EYS: variants seen among roughly 807,000 people sequenced by gnomAD.
EYS encodes EGF-like photoreceptor maintenance factor.
Under a neutral mutation model 282.1 loss-of-function variants are expected in EYS, and 250 were observed. The observed-to-expected ratio is 0.89, with a 90% CI of 0.80 to 0.98. The LOEUF (loss-of-function observed/expected upper bound fraction) is 0.98. EYS is among the 50% of genes least tolerant of loss of function. The pLI, the probability that EYS is intolerant of heterozygous loss-of-function variation, is 0.00. For synonymous variants in EYS, 1,355 were observed against 1,282.9 expected, an observed-to-expected ratio of 1.06 and a Z score of -1.20; for missense variants, 4,016 against 3,709.0, an observed-to-expected ratio of 1.08 and a Z score of -2.15.
At chr6:64,605,796 G>A (rs981877594) in intron 24 of EYS, among the ~76,000 whole-genome samples, 2 of 151,830 alleles carry the variant, frequency 1.3e-5, no homozygotes, top group Admixed American at 6.6e-5. Context: ...AGGTAAATTC[G>A]TGGGTCATCG....
intron 12 of EYS, among the ~76,000 whole-genome samples, chr6:65,248,936 A>G (rs868759356): frequency 2.6e-5 from 4 of 152,016 alleles, no homozygotes; most frequent in Non-Finnish European, 2.9e-5. Context: ...AAGTTTGCCA[A>G]TGGCTGCCAG....
At chr6:63,754,982 T>C (rs1769439980) in intron 41 of EYS, among the ~76,000 whole-genome samples, 1 of 152,244 alleles carries the variant, frequency 6.6e-6, no homozygotes, top group African/African-American at 2.4e-5. Context: ...GCTGCATAAA[T>C]GTCTTCTTTT....
intron 8 of EYS, among the ~76,000 whole-genome samples, chr6:65,353,869 C>A (rs971743517): frequency 6.6e-5 from 10 of 151,770 alleles, no homozygotes; most frequent in African/African-American, 2.4e-4. Context: ...TACAACAGTC[C>A]CTAATCTTCT....
At chr6:64,871,051 T>C (rs977650675) in intron 19 of EYS, among the ~76,000 whole-genome samples, 2 of 151,900 alleles carry the variant, frequency 1.3e-5, no homozygotes, top group Admixed American at 6.6e-5. Context: ...TTATCTTACA[T>C]TCAACTGAGT....
chr6:65,007,208 T>C (rs765532457), intron 13 of EYS, among the ~76,000 whole-genome samples: 12 of 152,108 alleles, frequency 7.9e-5, no homozygotes, highest in African/African-American at 2.4e-4. Flanking sequence ...GAATAAGCAT[T>C]AGGACCATAG....
At chr6:65,440,565 C>G (rs1310693185) in intron 5 of EYS, among the ~76,000 whole-genome samples, 1 of 151,430 alleles carries the variant, frequency 6.6e-6, no homozygotes, top group Admixed American at 6.6e-5. Context: ...CTGGTGATAT[C>G]TTTTACTTTA....
At chr6:65,101,445 C>G (rs142656474) in intron 12 of EYS, among the ~76,000 whole-genome samples, 1 of 151,296 alleles carries the variant, frequency 6.6e-6, no homozygotes, top group East Asian at 1.9e-4. Flanking sequence ...AATTTATCAA[C>G]AGGCCATATG....
chr6:64,120,353 C>T (rs1582297632), intron 31 of EYS, among the ~76,000 whole-genome samples: 1 of 89,262 alleles, frequency 1.1e-5, no homozygotes, highest in Non-Finnish European at 1.9e-5. Flanking sequence ...GAGACTCCAT[C>T]TCTTAAAAAA....
chr6:64,591,710 T>C lies in EYS; in HGVS notation c.4157A>G (p.Asp1386Gly). The C allele has an allele frequency of 6.4e-7, 1 of 1,551,286 alleles. No individual in the cohort carries two copies. Among genetic ancestry groups the C allele is most frequent in the East Asian group, 2.4e-5 (1 of 40,900 alleles). Reference sequence around the variant, plus strand: ...GATAAATGGGGTCCTTGCTCTCCTATCAGGAAAAAAGAAACCTAGTGTGGC... The same window carrying C: ...GATAAATGGGGTCCTTGCTCTCCTACCAGGAAAAAAGAAACCTAGTGTGGC... ...SAATLGFFFP[D>G]RRARTPFIMS... is the part of the protein sequence containing the mutation. Residue 1386 changes from aspartate (D) to glycine (G), a missense_variant, in exon 26 of 43, where the codon GAT becomes GGT. Transcript: ENST00000503581.
chr6:63,749,129 A>G (rs930735415), intron 41 of EYS, among the ~76,000 whole-genome samples: 2 of 152,170 alleles, frequency 1.3e-5, no homozygotes, highest in South Asian at 2.1e-4. Flanking sequence ...CAGTGCTGTA[A>G]ATTATCCTCT....
At chr6:64,529,497 G>T (rs149661778) in intron 26 of EYS, among the ~76,000 whole-genome samples, 161 of 152,112 alleles carry the variant, frequency 1.1e-3, no homozygotes, top group African/African-American at 3.6e-3. Flanking sequence ...GGAGTCCCAA[G>T]AACATTGACA....
At chr6:64,952,496 C>T (rs961492660) in intron 14 of EYS, among the ~76,000 whole-genome samples, 1 of 152,002 alleles carries the variant, frequency 6.6e-6, no homozygotes, top group African/African-American at 2.4e-5. Context: ...AAAATGTTCT[C>T]ATATACTGTG....
intron 36 of EYS, among the ~76,000 whole-genome samples, chr6:63,838,300 A>G (rs1204092141): frequency 1.3e-5 from 2 of 152,040 alleles, no homozygotes; most frequent in East Asian, 1.9e-4. Context: ...TGTAATAGGA[A>G]CTAACATAAA....
At chr6:64,302,524 G>A (rs1034185014) in intron 30 of EYS, among the ~76,000 whole-genome samples, 56 of 152,026 alleles carry the variant, frequency 3.7e-4, no homozygotes, top group African/African-American at 1.3e-3. Context: ...CATTTATGGG[G>A]CAGCCCACAA....
At chr6:64,710,469 A>G (rs1341664370) in intron 22 of EYS, among the ~76,000 whole-genome samples, 1 of 152,206 alleles carries the variant, frequency 6.6e-6, no homozygotes. Context: ...AGGGTAGCCA[A>G]TAGGGACCTC....
At chr6:65,443,377 TATAGACATATATGCATACATGTATGTAC>T (rs1768490018) in intron 5 of EYS, among the ~76,000 whole-genome samples, 1 of 140,282 alleles carries the variant, frequency 7.1e-6, no homozygotes, top group African/African-American at 2.4e-5. Flanking sequence ...TATGTACACA[TATAGACATATATGCATACATGTATGTAC>T]ACATATAGCC....
intron 14 of EYS, among the ~76,000 whole-genome samples, chr6:64,948,573 T>C (rs1343216060): frequency 1.4e-5 from 2 of 145,284 alleles, no homozygotes; most frequent in African/African-American, 5.0e-5. Context: ...AATATTTTAA[T>C]ATTAAATATT....
intron 28 of EYS, among the ~76,000 whole-genome samples, chr6:64,424,761 C>T (rs1322493061): frequency 2.6e-5 from 4 of 152,048 alleles, no homozygotes; most frequent in African/African-American, 9.7e-5. Context: ...TGTATTCAAC[C>T]GGGAAGAAGA....
Position 63,765,004 on chromosome 6 carries a change from C to A in EYS, c.7899-2371G>T, listed in dbSNP as rs549702277. ...ATTTTTCTAACCCTTGATGTTAATT[C>A]ATTAATATTTCTTCCCTTAACCACA... On this transcript the variant is annotated intron_variant, in intron 40 of 42. Coordinates refer to ENST00000503581, the MANE Select transcript of EYS (RefSeq NM_001142800.2). 5.3e-5 allele frequency among the ~76,000 whole-genome samples: 8 copies of A among 151,974 alleles called. No individual in the cohort carries two copies. The South Asian group carries it at 1.7e-3, about 32-fold the overall frequency.
Sources: gnomAD v4.1 joint callset for allele counts (sites outside exome capture counted in the v4.1 genomes callset) on GRCh38, gnomAD v4.1.1 for gene constraint, MANE v1.5 for transcripts, NCBI Gene and HGNC (gene_info 2026-07-23, HGNC 2026-07-21) for gene names.